The following ADM variants were observed in gnomAD, a reference collection of about 807,000 sequenced individuals.
The protein encoded by ADM is adrenomedullin.
In ADM, 4 loss-of-function variants were observed where a neutral mutation model predicts 9.0. That is an observed-to-expected ratio of 0.44 (90% CI 0.22 to 1.02). The LOEUF is 1.02. Ranked by LOEUF, ADM falls within the 50% of genes least tolerant of loss-of-function variation. The probability of loss-of-function intolerance (pLI) is 0.24; values close to 1 mark genes in which losing one functional copy is unlikely to be tolerated. For synonymous variants in ADM, 107 were observed against 107.2 expected (o/e 1.00, Z 0.01); for missense variants, 253 against 254.1 (o/e 1.00, Z 0.03).
At position 10,306,313 on chromosome 11, in the gene ADM, C is replaced by T; in HGVS notation, c.249-19C>T. On this transcript the variant is annotated intron_variant, in intron 3 of 3. Coordinates refer to ENST00000278175, the MANE Select transcript of ADM (RefSeq NM_001124.3). The stretch of plus-strand genomic sequence containing the variant: ...ATGGGGTCTCAAGTTGCCTTTCTTC[C>T]CCCTCCCCCCGCCCGCAGCAGTCCG... The T allele has an allele frequency of 3.8e-6, 3 of 792,716 alleles. No individual in the cohort carries two copies. Among genetic ancestry groups the T allele is most frequent in the Non-Finnish European group, 6.0e-6 (3 of 502,126 alleles). 49.1% of individuals were successfully genotyped at this position (792,716 alleles called of 1,614,324 possible). A position where few individuals can be genotyped will look rare whatever the true frequency, so the allele number is the denominator to read the frequency against.
At chr11:10,306,255 C>G (rs774351156) in intron 3 of ADM, 77 bp from the exon 4 acceptor site, 12 of 1,561,402 alleles carry the variant, frequency 7.7e-6, no homozygotes, top group Non-Finnish European at 8.7e-6. Flanking sequence ...AGAATGGCTC[C>G]CGTTCCCGGT....
At position 10,306,919 on chromosome 11, in the gene ADM, A is replaced by C; in HGVS notation, c.*278A>C. On this transcript the variant is annotated 3_prime_UTR_variant, in exon 4 of 4. Coordinates refer to ENST00000278175, the MANE Select transcript of ADM (RefSeq NM_001124.3). ...GGCTTAAGGAGAGGAGAAACTGAGA[A>C]ATGAATGCTGAGACCCCCGGAGCAG... is the stretch of plus-strand genomic sequence containing the variant. 9.0e-6 allele frequency: 3 copies of C among 334,558 alleles called. No homozygotes were observed. The highest frequency in any genetic ancestry group is 1.6e-5 in the Non-Finnish European group (3 of 185,176). 20.7% of individuals were successfully genotyped at this position (334,558 alleles called of 1,614,324 possible). A position where few individuals can be genotyped will look rare whatever the true frequency, so the allele number is the denominator to read the frequency against.
chr11:10,305,969 G>T lies in ADM; in HGVS notation c.119G>T (p.Ser40Ile). 3.1e-6 allele frequency: 5 copies of T among 1,613,930 alleles called. No homozygotes were observed. Among genetic ancestry groups the T allele is most frequent in the Non-Finnish European group, 4.2e-6 (5 of 1,180,038 alleles). The change falls in exon 3 of 4, where the codon AGT becomes ATT. Residue 40 changes from serine (S) to isoleucine (I), a missense_variant. Coordinates refer to ENST00000278175, the MANE Select transcript of ADM (RefSeq NM_001124.3). Reference sequence around the variant, plus strand: ...TCCAGGTGGAATAAGTGGGCTCTGAGTCGTGGGAAGAGGGAACTGCGGATG... The same window carrying T: ...TCCAGGTGGAATAAGTGGGCTCTGATTCGTGGGAAGAGGGAACTGCGGATG... ...FRKKWNKWAL[S>I]RGKRELRMSS...
intron 3 of ADM, 48 bp downstream of exon 3, chr11:10,306,146 C>T: frequency 6.3e-7 from 1 of 1,599,454 alleles, no homozygotes; most frequent in Non-Finnish European, 8.5e-7. Context: ...GGAAGGTGTG[C>T]GGGAGGAGTT....
In ADM at chr11:10,306,827, T is replaced by G; in HGVS notation, c.*186T>G. ...GGGCCCCTCCTTCTGGGGGCTTCGC[T>G]TCCTTAGCCTTGCTCAGGTGCAAGT... On this transcript the variant is annotated 3_prime_UTR_variant, in exon 4 of 4. Transcript: ENST00000278175. 3.7e-6 allele frequency: 2 copies of G among 542,148 alleles called. No individual in the cohort carries two copies. Among genetic ancestry groups the G allele is most frequent in the Non-Finnish European group, 3.1e-6 (1 of 320,392 alleles). The allele number at this position is 542,148 out of a possible 1,614,324, so 33.6% of individuals were successfully genotyped here.
Position 10,306,365 on chromosome 11 carries a change from C to T in ADM, c.282C>T (p.Arg94=), listed in dbSNP as rs772115980. Residue 94 remains arginine, a synonymous_variant, in exon 4 of 4, where the codon CGC becomes CGT. Coordinates refer to ENST00000278175, the MANE Select transcript of ADM (RefSeq NM_001124.3). ...SPDAARIRVK[R]YRQSMNNFQG... is the part of the protein sequence containing the mutation. The stretch of plus-strand genomic sequence containing the variant: ...ATGCCGCCCGCATCCGAGTCAAGCG[C>T]TACCGCCAGAGCATGAACAACTTCC... 1.9e-6 allele frequency: 3 copies of T among 1,612,472 alleles called. No individual in the cohort carries two copies. The highest frequency in any genetic ancestry group is 2.5e-6 in the Non-Finnish European group (3 of 1,179,718).
intron 3 of ADM, 21 bp from the exon 4 acceptor site, chr11:10,306,311 T>TGGGGGGGCG: frequency 1.3e-6 from 2 of 1,543,774 alleles, no homozygotes; most frequent in Non-Finnish European, 1.8e-6. Flanking sequence ...TTGCCTTTCT[T>TGGGGGGGCG]CCCCCTCCCC....
rs770133350 is a variant in ADM, at chr11:10,306,515, G to A, written c.432G>A (p.Gln144=). The change falls in exon 4 of 4, where the codon CAG becomes CAA. Residue 144 remains glutamine (Q), a synonymous_variant. Coordinates refer to ENST00000278175, the MANE Select transcript of ADM (RefSeq NM_001124.3). ...CCCCCAGGAGCAAGATCAGCCCCCA[G>A]GGCTACGGCCGCCGGCGCCGGCGCT... ...NVAPRSKISP[Q]GYGRRRRRSL... 1.2e-6 allele frequency: 2 copies of A among 1,612,598 alleles called. No homozygotes were observed. Among genetic ancestry groups the A allele is most frequent in the East Asian group, 4.5e-5 (2 of 44,810 alleles).
Position 10,306,664 on chromosome 11 carries a change from G to A in ADM, c.*23G>A. On this transcript the variant is annotated 3_prime_UTR_variant, in exon 4 of 4. Coordinates refer to ENST00000278175, the MANE Select transcript of ADM (RefSeq NM_001124.3). ...TAGGATTTAGGCGCCCATGGTACAAGGAATAGTCGCGCAAGCATCCCGCTG... is the reference window on the plus strand; with the variant it reads ...TAGGATTTAGGCGCCCATGGTACAAAGAATAGTCGCGCAAGCATCCCGCTG... 6.7e-7 allele frequency: 1 copy of A among 1,503,440 alleles called. No individual in the cohort carries two copies. Among genetic ancestry groups the A allele is most frequent in the Non-Finnish European group, 8.9e-7 (1 of 1,127,412 alleles). 93.1% of individuals were successfully genotyped at this position (1,503,440 alleles called of 1,614,324 possible). A position where few individuals can be genotyped will look rare whatever the true frequency, so the allele number is the denominator to read the frequency against.
At chr11:10,305,470 G>A in intron 1 of ADM, 1 of 562,792 alleles carries the variant, frequency 1.8e-6, no homozygotes, top group Non-Finnish European at 3.2e-6. Flanking sequence ...AGCCTGGCGG[G>A]GTGCAGCGGC....
Position 10,306,672 on chromosome 11 carries a change from C to A in ADM, c.*31C>A. The A allele has an allele frequency of 6.7e-7, 1 of 1,496,692 alleles. No homozygotes were observed. The highest frequency in any genetic ancestry group is 8.9e-7 in the Non-Finnish European group (1 of 1,123,544). The allele number at this position is 1,496,692 out of a possible 1,614,324, so 92.7% of individuals were successfully genotyped here. On this transcript the variant is annotated 3_prime_UTR_variant, in exon 4 of 4. Transcript: ENST00000278175. Reference sequence around the variant, plus strand: ...AGGCGCCCATGGTACAAGGAATAGTCGCGCAAGCATCCCGCTGGTGCCTCC... The same window carrying A: ...AGGCGCCCATGGTACAAGGAATAGTAGCGCAAGCATCCCGCTGGTGCCTCC...
Position 10,306,041 on chromosome 11 carries a change from C to G in ADM, c.191C>G (p.Ala64Gly). Residue 64 changes from alanine (A) to glycine (G), a missense_variant, in exon 3 of 4, where the codon GCC becomes GGC. Physicochemically the swap from Ala to Gly is moderately conservative, Grantham distance 60. Coordinates refer to ENST00000278175, the MANE Select transcript of ADM (RefSeq NM_001124.3). ...TGLADVKAGP[A>G]QTLIRPQDMK... Reference sequence around the variant, plus strand: ...CTCGCTGACGTGAAGGCCGGGCCTGCCCAGACCCTTATTCGGCCCCAGGAC... The same window carrying G: ...CTCGCTGACGTGAAGGCCGGGCCTGGCCAGACCCTTATTCGGCCCCAGGAC... The G allele has an allele frequency of 6.2e-7, 1 of 1,614,034 alleles. No homozygotes were observed. The highest frequency in any genetic ancestry group is 8.5e-7 in the Non-Finnish European group (1 of 1,180,008).
intron 2 of ADM, 49 bp from the exon 3 acceptor site, chr11:10,305,900 C>T (rs780529950): frequency 3.0e-5 from 48 of 1,612,442 alleles, no homozygotes; most frequent in Non-Finnish European, 3.9e-5. Context: ...AGGGACAGGC[C>T]TGGGCGTCAC....
chr11:10,306,049 C>T lies in ADM; in HGVS notation c.199C>T (p.Leu67Phe), dbSNP rs368598004. The T allele has an allele frequency of 5.1e-5, 82 of 1,613,958 alleles. No homozygotes were observed. Among genetic ancestry groups the T allele is most frequent in the Admixed American group, 1.2e-4 (7 of 59,998 alleles). ...CGTGAAGGCCGGGCCTGCCCAGACC[C>T]TTATTCGGCCCCAGGACATGAAGGG... ...ADVKAGPAQT[L>F]IRPQDMKGAS... The change falls in exon 3 of 4, where the codon CTT (leucine) becomes TTT (phenylalanine). Residue 67 changes from leucine to phenylalanine, a missense_variant. By Grantham distance (22) the Leu-to-Phe change is conservative. Coordinates refer to ENST00000278175, the MANE Select transcript of ADM (RefSeq NM_001124.3).
rs1416719801 is a variant in ADM at position 10,305,239 on chromosome 11, G to C, written c.-22+10G>C. ...ATCACTCTCTTAGCAGGTAGGTGCC[G>C]CAGACCCTGCGGGTTAAGAGGTGGG... is the stretch of plus-strand genomic sequence containing the variant. On this transcript the variant is annotated intron_variant, in intron 1 of 3. Coordinates refer to ENST00000278175, the MANE Select transcript of ADM (RefSeq NM_001124.3). 1 of 172,888 alleles carries C rather than the reference G, an allele frequency of 5.8e-6. No homozygotes were observed. Among genetic ancestry groups the C allele is most frequent in the African/African-American group, 2.4e-5 (1 of 41,600 alleles). The allele number at this position is 172,888 out of a possible 1,614,324, so 10.7% of individuals were successfully genotyped here. A position where few individuals can be genotyped will look rare whatever the true frequency, so the allele number is the denominator to read the frequency against.
intron 2 of ADM, 22 bp from the exon 3 acceptor site, chr11:10,305,927 C>A (rs1029667014): frequency 1.1e-5 from 18 of 1,613,132 alleles, no homozygotes; most frequent in Non-Finnish European, 1.4e-5. Flanking sequence ...GCACGCGAAT[C>A]GGGTCTGCTT....
rs374900367 is a variant in ADM, at chr11:10,306,581, T to C, written c.498T>C (p.Ser166=). Reference sequence around the variant, plus strand: ...GCCCGGGTCGGACTCTGGTGTCTTCTAAGCCACAAGCACACGGGGCTCCAG... The same window carrying C: ...GCCCGGGTCGGACTCTGGTGTCTTCCAAGCCACAAGCACACGGGGCTCCAG... ...EAGPGRTLVS[S]KPQAHGAPAP... is the part of the protein sequence containing the mutation. Residue 166 remains serine, a synonymous_variant, in exon 4 of 4, where the codon TCT becomes TCC. Transcript: ENST00000278175. The C allele has an allele frequency of 5.0e-6, 8 of 1,608,864 alleles. No homozygotes were observed. In the African/African-American group the frequency reaches 6.7e-5, roughly 13 times the overall value.
At chr11:10,305,457 G>T in intron 1 of ADM, 1 of 551,278 alleles carries the variant, frequency 1.8e-6, no homozygotes, top group African/African-American at 1.9e-5. Flanking sequence ...GAGACCCTCT[G>T]GGAGCCTGGC....
intron 2 of ADM, 63 bp downstream of exon 2, chr11:10,305,861 G>A (rs892107724): frequency 2.5e-5 from 40 of 1,612,046 alleles, no homozygotes; most frequent in Non-Finnish European, 3.1e-5. Flanking sequence ...CTGACCGTTG[G>A]TCCCGAAGGT....
Sources: allele counts gnomAD v4.1 joint callset, GRCh38; gene constraint gnomAD v4.1.1; transcripts MANE v1.5; gene names NCBI Gene and HGNC (gene_info 2026-07-23, HGNC 2026-07-21).